The following PRUNE2 variants were observed in gnomAD, a reference collection of about 807,000 sequenced individuals.
PRUNE2 encodes the protein prune homolog 2 with BCH domain.
PRUNE2 carries 164 observed loss-of-function variants against 252.0 expected under a neutral mutation model. That is an observed-to-expected ratio of 0.65 (90% CI 0.57 to 0.74). The LOEUF is 0.74. PRUNE2 is among the 30% of genes least tolerant of loss of function. The probability of loss-of-function intolerance (pLI) is 0.00; values close to 1 mark genes in which losing one functional copy is unlikely to be tolerated. For synonymous variants in PRUNE2, 1,292 were observed against 1,350.2 expected (o/e 0.96, Z 0.94); for missense variants, 3,495 against 3,711.0 (o/e 0.94, Z 1.51).
chr9:76,888,718 G>C lies in PRUNE2; in HGVS notation c.36+17210C>G, dbSNP rs551214833. ...TCCAACATTAAGTTTTCTGTAGGGC[G>C]AGTGGTGTGCTTTCCTCCTCCTGAG... On this transcript the variant is annotated intron_variant, in intron 1 of 18. Coordinates refer to ENST00000376718, the MANE Select transcript of PRUNE2 (RefSeq NM_015225.3). Among the ~76,000 whole-genome samples the C allele has an allele frequency of 2.6e-5, 4 of 152,152 alleles. No homozygotes were observed. The East Asian group carries it at 7.7e-4, about 29-fold the overall frequency.
rs1053883473 is a variant in PRUNE2 at position 76,679,176 on chromosome 9, G to A, written c.8277-23674C>T. On this transcript the variant is annotated intron_variant, in intron 9 of 18. Coordinates refer to ENST00000376718, the MANE Select transcript of PRUNE2 (RefSeq NM_015225.3). ...GAAAGTTGTTGTAAGGATTAAATGC[G>A]TTGATTTAGGTAGGGATAGGGAACA... Among the ~76,000 whole-genome samples the A allele has an allele frequency of 9.9e-5, 15 of 152,202 alleles. No homozygotes were observed. The East Asian group carries it at 2.1e-3, about 21-fold the overall frequency.
rs2133562125 is a variant in PRUNE2, at chr9:76,893,953, G to T, written c.36+11975C>A. Reference sequence around the variant, plus strand: ...GCTTCATGGATGGCTTTATTTTAGGGTCTTGCAAAGCAGATTCATAATTAA... The same window carrying T: ...GCTTCATGGATGGCTTTATTTTAGGTTCTTGCAAAGCAGATTCATAATTAA... On this transcript the variant is annotated intron_variant, in intron 1 of 18. Transcript: ENST00000376718. Among the ~76,000 whole-genome samples, 2 of 152,214 alleles carry T rather than the reference G, an allele frequency of 1.3e-5. 1 individual carries two copies. Among genetic ancestry groups the T allele is most frequent in the South Asian group, 4.1e-4 (2 of 4,820 alleles).
intron 6 of PRUNE2, chr9:76,739,357 C>T (rs1365967566): frequency 1.3e-5 from 2 of 152,080 alleles, no homozygotes; most frequent in African/African-American, 4.8e-5. Flanking sequence ...CGGTTTAGAG[C>T]CATGCCTATA....
intron 4 of PRUNE2, among the ~76,000 whole-genome samples, chr9:76,828,737 C>T (rs933844544): frequency 2.0e-5 from 3 of 152,048 alleles, no homozygotes; most frequent in East Asian, 1.9e-4. Flanking sequence ...TTTTTCCAGC[C>T]GGGCGCAGCG....
intron 6 of PRUNE2, among the ~76,000 whole-genome samples, chr9:76,758,147 A>T (rs2051334118): frequency 6.6e-6 from 1 of 152,246 alleles, no homozygotes; most frequent in African/African-American, 2.4e-5. Context: ...AAGAGATGAA[A>T]ATAACTAAAC....
chr9:76,872,642 C>CACAT (rs1248594638), intron 1 of PRUNE2, among the ~76,000 whole-genome samples: 12 of 151,104 alleles, frequency 7.9e-5, no homozygotes, highest in African/African-American at 2.7e-4. Flanking sequence ...CACACACACA[C>CACAT]ACCCTCACAC....
chr9:76,850,783 AC>A, intron 2 of PRUNE2, 118 bp from the exon 3 acceptor site: 1 of 709,170 alleles, frequency 1.4e-6, no homozygotes, highest in South Asian at 1.8e-5. Flanking sequence ...GCCTCACTAA[AC>A]CACTTGGCAT....
At chr9:76,736,086 T>A (rs981150915) in intron 6 of PRUNE2, among the ~76,000 whole-genome samples, 6 of 152,210 alleles carry the variant, frequency 3.9e-5, no homozygotes, top group African/African-American at 1.2e-4. Flanking sequence ...CAAATTTGCA[T>A]AGCTGATGAA....
At chr9:76,722,706 CT>C (rs1039111819) in intron 6 of PRUNE2, among the ~76,000 whole-genome samples, 7 of 152,258 alleles carry the variant, frequency 4.6e-5, no homozygotes, top group Non-Finnish European at 4.4e-5. Flanking sequence ...TAAGATGCCC[CT>C]GTGAGATAGG....
intron 1 of PRUNE2, among the ~76,000 whole-genome samples, chr9:76,875,523 G>C (rs1250913177): frequency 6.6e-6 from 1 of 151,994 alleles, no homozygotes; most frequent in Non-Finnish European, 1.5e-5. Context: ...GTGCCACCAT[G>C]CCCGGCCAAT....
At chr9:76,731,677 G>T (rs12551642) in intron 6 of PRUNE2, among the ~76,000 whole-genome samples, 1 of 151,908 alleles carries the variant, frequency 6.6e-6, no homozygotes, top group Non-Finnish European at 1.5e-5. Flanking sequence ...TTTCTAGTAC[G>T]TACCAAAAAG....
At chr9:76,642,946 A>G (rs1470892045) in intron 12 of PRUNE2, among the ~76,000 whole-genome samples, 1 of 152,204 alleles carries the variant, frequency 6.6e-6, no homozygotes, top group East Asian at 1.9e-4. Flanking sequence ...AAAACAAACC[A>G]GACAGTCACA....
intron 10 of PRUNE2, among the ~76,000 whole-genome samples, chr9:76,653,622 C>T (rs542774074): frequency 4.1e-4 from 62 of 152,176 alleles, no homozygotes; most frequent in African/African-American, 1.3e-3. Flanking sequence ...TGACTTTGCT[C>T]CTATGGAATG....
At chr9:76,683,208 G>A (rs1283339059) in intron 9 of PRUNE2, among the ~76,000 whole-genome samples, 12 of 152,172 alleles carry the variant, frequency 7.9e-5, no homozygotes, top group Non-Finnish European at 1.3e-4. Context: ...TTGGTTCCAC[G>A]AATAAGCACG....
chr9:76,830,886 T>C (rs1285665647), intron 4 of PRUNE2, among the ~76,000 whole-genome samples: 1 of 151,800 alleles, frequency 6.6e-6, no homozygotes, highest in African/African-American at 2.4e-5. Flanking sequence ...AAAGGGCTAA[T>C]ATAAAACAAT....
At position 76,708,092 on chromosome 9, in the gene PRUNE2, G is replaced by T. The variant is rs369401581; in HGVS notation, c.4182C>A (p.Thr1394=). ...SSLAVTFSPQ[T]EEPEEVLEYE... ...ACTCTAAAACTTCCTCTGGTTCCTC[G>T]GTTTGAGGACTGAAAGTGACAGCAA... Residue 1394 remains threonine (T), a synonymous_variant, in exon 8 of 19, where the codon ACC becomes ACA. Transcript: ENST00000376718. 3 of 1,613,874 alleles carry T rather than the reference G, an allele frequency of 1.9e-6. No homozygotes were observed. The highest frequency in any genetic ancestry group is 3.3e-5 in the Admixed American group (2 of 60,018).
intron 9 of PRUNE2, among the ~76,000 whole-genome samples, chr9:76,660,853 A>G (rs985817842): frequency 6.6e-6 from 1 of 152,060 alleles, no homozygotes; most frequent in African/African-American, 2.4e-5. Context: ...TTACTTCTAC[A>G]AGCAAGTTTC....
At chr9:76,723,470 G>T (rs1031109037) in intron 6 of PRUNE2, among the ~76,000 whole-genome samples, 1 of 152,334 alleles carries the variant, frequency 6.6e-6, no homozygotes, top group Admixed American at 6.5e-5. Context: ...GAGGGGAGTA[G>T]AGAGGCTAAA....
At chr9:76,665,669 T>C (rs2040002467) in intron 9 of PRUNE2, among the ~76,000 whole-genome samples, 1 of 152,182 alleles carries the variant, frequency 6.6e-6, no homozygotes, top group Non-Finnish European at 1.5e-5. Flanking sequence ...TTTAGACACG[T>C]GAAGGTGCCC....
Sources: allele counts gnomAD v4.1 joint callset (sites outside exome capture counted in the v4.1 genomes callset), GRCh38; gene constraint gnomAD v4.1.1; transcripts MANE v1.5; gene names NCBI Gene and HGNC (gene_info 2026-07-23, HGNC 2026-07-21).